Variants in MAML3 observed in about 807,000 individuals in gnomAD.
The protein encoded by MAML3 is mastermind-like protein 3.
Under a neutral mutation model 101.9 loss-of-function variants are expected in MAML3, and 27 were observed. The observed-to-expected ratio is 0.27, with a 90% confidence interval of 0.20 to 0.37. The LOEUF is 0.37. Among genes scored for constraint, MAML3 ranks in the 10% least tolerant of loss-of-function variants. MAML3 has a pLI of 1.00. For missense variants in MAML3, 1,316 were observed against 1,444.9 expected (o/e 0.91, Z 1.45); for synonymous variants, 501 against 555.9 (o/e 0.90, Z 1.39).
Position 139,890,786 on chromosome 4 carries a change from G to A in MAML3, c.650C>T (p.Pro217Leu), listed in dbSNP as rs752191023. 33 of 1,613,950 alleles carry A rather than the reference G, an allele frequency of 2.0e-5. No homozygotes were observed. Among genetic ancestry groups the A allele is most frequent in the Non-Finnish European group, 2.8e-5 (33 of 1,179,914 alleles). ...AGGTTTCAGGTCAAGTTGGTGAAGA[G>A]GAGAAGCTGAAGGCAGTGGCATGTT... ...PSNMPLPSAS[P>L]LHQLDLKPSL... is the part of the protein sequence containing the mutation. The change falls in exon 2 of 5, where the codon CCT (proline) becomes CTT (leucine). Residue 217 changes from proline to leucine, a missense_variant. Pro to Leu is a moderately conservative substitution (Grantham distance 98). Transcript: ENST00000509479. This position sits in a 1 kb window ranked among gnomAD's most constrained non-coding sequence, Gnocchi z 4.1.
intron 1 of MAML3, among the ~76,000 whole-genome samples, chr4:139,978,281 C>T (rs1051627414): frequency 2.6e-5 from 4 of 152,088 alleles, no homozygotes; most frequent in Admixed American, 2.6e-4. Context: ...ACTCCTGGCT[C>T]CCCATCTTTG....
intron 1 of MAML3, among the ~76,000 whole-genome samples, chr4:140,058,584 C>T (rs1727392445): frequency 7.0e-6 from 1 of 143,604 alleles, no homozygotes; most frequent in Non-Finnish European, 1.5e-5. Flanking sequence ...ATATATATGG[C>T]ATTATTGTTA....
chr4:140,002,052 T>A (rs1345955021), intron 1 of MAML3, among the ~76,000 whole-genome samples: 2 of 152,204 alleles, frequency 1.3e-5, no homozygotes, highest in Admixed American at 1.3e-4. Context: ...ACTTATCATT[T>A]TTTTTTGTGG....
intron 1 of MAML3, among the ~76,000 whole-genome samples, chr4:140,142,571 T>C (rs1307920762): frequency 1.3e-5 from 2 of 152,216 alleles, no homozygotes; most frequent in East Asian, 3.8e-4. Context: ...TTCATAAGAT[T>C]GGCTTTTTAA....
At chr4:139,887,216 T>C (rs1348988074) in intron 2 of MAML3, among the ~76,000 whole-genome samples, 2 of 152,232 alleles carry the variant, frequency 1.3e-5, no homozygotes, top group African/African-American at 4.8e-5. Flanking sequence ...AAATGATATG[T>C]TTGCAGAAAG....
At chr4:140,084,938 G>A (rs1010185593) in intron 1 of MAML3, among the ~76,000 whole-genome samples, 1 of 152,030 alleles carries the variant, frequency 6.6e-6, no homozygotes, top group East Asian at 1.9e-4. Flanking sequence ...AAACATCGGG[G>A]GGCGGCAGGG....
rs1331893791 is a variant in MAML3 at position 139,716,773 on chromosome 4, T to TTTTTG, written c.*2545_*2549dup. On this transcript the variant is annotated 3_prime_UTR_variant, in exon 5 of 5. Coordinates refer to ENST00000509479, the MANE Select transcript of MAML3 (RefSeq NM_018717.5). ...TTGGATTGATTCAGATAATCTTTTATTTTTGTTTTTGTTTTCTTTAAAAGT... is the reference window on the plus strand; with the variant it reads ...TTGGATTGATTCAGATAATCTTTTATTTTTGTTTTGTTTTTGTTTTCTTTAAAAGT... The TTTTTG allele has an allele frequency of 2.0e-5, 3 of 151,634 alleles. No homozygotes were observed. The highest frequency in any genetic ancestry group is 1.3e-4 in the Admixed American group (2 of 15,216). The allele number at this position is 151,634 out of a possible 1,614,324, so 9.4% of individuals were successfully genotyped here. A position where few individuals can be genotyped will look rare whatever the true frequency, so the allele number is the denominator to read the frequency against.
chr4:140,002,953 G>A (rs1461441165), intron 1 of MAML3, among the ~76,000 whole-genome samples: 1 of 152,216 alleles, frequency 6.6e-6, no homozygotes, highest in East Asian at 1.9e-4. Context: ...GCCCACTACG[G>A]TGGCAGGAAA....
chr4:139,889,406 C>T lies in MAML3; in HGVS notation c.2030G>A (p.Gly677Glu). ...GTAAGCCATGGGCTGATTCATCACT[C>T]CTTTCTGCTTCATGAGAAGCAGGCG... ...QKRLLLMKQKGVMNQPMAYAA... is the reference protein window; with the variant it reads ...QKRLLLMKQKEVMNQPMAYAA... The change falls in exon 2 of 5, where the codon GGA becomes GAA. Residue 677 changes from glycine to glutamate, a missense_variant. Gly to Glu is a moderately conservative substitution (Grantham distance 98, BLOSUM62 -2). Transcript: ENST00000509479. The T allele has an allele frequency of 6.2e-7, 1 of 1,614,030 alleles. No homozygotes were observed. The highest frequency in any genetic ancestry group is 8.5e-7 in the Non-Finnish European group (1 of 1,179,900).
At chr4:139,893,898 G>A (rs1732553344) in intron 1 of MAML3, among the ~76,000 whole-genome samples, 3 of 152,074 alleles carry the variant, frequency 2.0e-5, no homozygotes, top group Admixed American at 1.3e-4. Context: ...AGTGACAGAG[G>A]GGCAACTGGG....
chr4:139,865,277 G>T (rs1169192938), intron 2 of MAML3, among the ~76,000 whole-genome samples: 1 of 151,864 alleles, frequency 6.6e-6, no homozygotes, highest in African/African-American at 2.4e-5. Context: ...TTCTTTTAGG[G>T]GATACAATAA....
chr4:139,850,816 C>G (rs1731534644), intron 2 of MAML3, among the ~76,000 whole-genome samples: 1 of 151,446 alleles, frequency 6.6e-6, no homozygotes, highest in African/African-American at 2.4e-5. Context: ...TGTATATTTT[C>G]TTTGCTTCCA....
intron 2 of MAML3, among the ~76,000 whole-genome samples, chr4:139,863,378 T>G (rs1379950871): frequency 6.8e-6 from 1 of 146,198 alleles, no homozygotes; most frequent in African/African-American, 2.5e-5. Context: ...GAGACAGAGT[T>G]TTGCTCTTGT....
chr4:140,117,192 C>T (rs780882428), intron 1 of MAML3, among the ~76,000 whole-genome samples: 67 of 152,218 alleles, frequency 4.4e-4, no homozygotes, highest in Non-Finnish European at 7.6e-4. Flanking sequence ...TGGGGAAAGC[C>T]ATTATCTGGC....
chr4:139,817,065 T>C (rs1730904469), intron 2 of MAML3, among the ~76,000 whole-genome samples: 1 of 152,104 alleles, frequency 6.6e-6, no homozygotes, highest in South Asian at 2.1e-4. Flanking sequence ...GAAACATACC[T>C]CTGCCATGAT....
At chr4:140,019,584 C>A (rs538692670) in intron 1 of MAML3, among the ~76,000 whole-genome samples, 1 of 152,348 alleles carries the variant, frequency 6.6e-6, no homozygotes, top group Non-Finnish European at 1.5e-5. Context: ...CGGCCAACAA[C>A]ATAAGGCAGC....
Position 140,037,843 on chromosome 4 carries a change from A to G in MAML3, c.468+115017T>C, listed in dbSNP as rs143953716. ...CAGGCACCCTGATTAGACATAATCT[A>G]TAAGGGCCCTTTGTCTCGAGCTACA... On this transcript the variant is annotated intron_variant, in intron 1 of 4. Transcript: ENST00000509479. Among the ~76,000 whole-genome samples the G allele has an allele frequency of 7.6e-3, 1,158 of 152,294 alleles. 17 individuals carry two copies. Among genetic ancestry groups the G allele is most frequent in the African/African-American group, 0.027 (1,137 of 41,556 alleles).
chr4:140,090,521 A>G (rs541845907), intron 1 of MAML3, among the ~76,000 whole-genome samples: 1 of 152,346 alleles, frequency 6.6e-6, no homozygotes, highest in African/African-American at 2.4e-5. Context: ...TCTCAGAACA[A>G]TCCTGTACTG....
intron 1 of MAML3, among the ~76,000 whole-genome samples, chr4:140,055,104 G>A (rs906527453): frequency 6.6e-6 from 1 of 151,992 alleles, no homozygotes; most frequent in Admixed American, 6.6e-5. Context: ...CAGACCACAC[G>A]GCCTCTAAAG....
Sources: allele counts gnomAD v4.1 joint callset (sites outside exome capture counted in the v4.1 genomes callset), GRCh38; gene constraint gnomAD v4.1.1; non-coding constraint Gnocchi (gnomAD v3.1); transcripts MANE v1.5; gene names NCBI Gene and HGNC (gene_info 2026-07-23, HGNC 2026-07-21).